Variants in CPNE4 observed in about 807,000 individuals in gnomAD.
The protein encoded by CPNE4 is copine-4.
A neutral mutation model predicts 67.9 loss-of-function variants in CPNE4; 25 were observed. The observed-to-expected ratio is 0.37, with a 90% CI of 0.27 to 0.51. The LOEUF is 0.51. Among genes scored for constraint, CPNE4 ranks in the 20% least tolerant of loss-of-function variants. The pLI, the probability that CPNE4 is intolerant of heterozygous loss-of-function variation, is 0.93. For synonymous variants in CPNE4, 242 were observed against 244.9 expected, an observed-to-expected ratio of 0.99 and a Z score of 0.11; for missense variants, 464 against 690.8, an observed-to-expected ratio of 0.67 and a Z score of 3.68.
At chr3:131,695,634 G>T (rs2081136540) in intron 5 of CPNE4, among the ~76,000 whole-genome samples, 1 of 152,162 alleles carries the variant, frequency 6.6e-6, no homozygotes, top group Non-Finnish European at 1.5e-5. Context: ...AGGAGAAGGA[G>T]CATAACAGTT....
Position 131,970,779 on chromosome 3 carries a change from T to G in CPNE4, c.-2+63788A>C, listed in dbSNP as rs1024476695. Among the ~76,000 whole-genome samples, 3 of 152,164 alleles carry G rather than the reference T, an allele frequency of 2.0e-5. No individual in the cohort carries two copies. The South Asian group carries it at 6.2e-4, about 32-fold the overall frequency. ...GAAGGTTAAAGTTGTATTGTGAATA[T>G]ATGTATGTGTAGGGGTTAGTGGAGG... On this transcript the variant is annotated intron_variant, in intron 1 of 15. Transcript: ENST00000429747.
At chr3:131,575,048 G>A (rs750202965) in intron 10 of CPNE4, 23 bp downstream of exon 10, 364 of 1,602,196 alleles carry the variant, frequency 2.3e-4, no homozygotes, top group Non-Finnish European at 2.9e-4. Flanking sequence ...AAGAATCAAG[G>A]AATCAACATG....
chr3:131,839,688 G>C (rs535976651), intron 2 of CPNE4, among the ~76,000 whole-genome samples: 13 of 152,026 alleles, frequency 8.6e-5, no homozygotes, highest in African/African-American at 3.1e-4. Context: ...TGTCACACAT[G>C]GGTTTGTCAC....
intron 2 of CPNE4, among the ~76,000 whole-genome samples, chr3:131,775,566 A>T (rs1005541863): frequency 8.5e-5 from 13 of 152,076 alleles, no homozygotes; most frequent in African/African-American, 3.1e-4. Flanking sequence ...TTTTCTTGTG[A>T]TAGTGAGTAA....
intron 2 of CPNE4, among the ~76,000 whole-genome samples, chr3:131,856,338 T>C (rs934363987): frequency 6.6e-6 from 1 of 151,886 alleles, no homozygotes; most frequent in African/African-American, 2.4e-5. Flanking sequence ...TGCCTCAGCC[T>C]CCCAAAGTGC....
intron 7 of CPNE4, among the ~76,000 whole-genome samples, chr3:131,588,836 C>T (rs748507372): frequency 6.6e-6 from 1 of 152,208 alleles, no homozygotes; most frequent in Non-Finnish European, 1.5e-5. Context: ...TCCAGCACTT[C>T]TGTCTATTCC....
intron 3 of CPNE4, among the ~76,000 whole-genome samples, chr3:131,703,647 A>C (rs1335087734): frequency 6.6e-6 from 1 of 152,230 alleles, no homozygotes; most frequent in African/African-American, 2.4e-5. Context: ...CTTTATTCCG[A>C]AGTCTTTCGA....
chr3:131,542,610 C>G lies in CPNE4; in HGVS notation c.1486G>C (p.Glu496Gln), dbSNP rs751118526. 47 of 1,614,006 alleles carry G rather than the reference C, an allele frequency of 2.9e-5. No individual in the cohort carries two copies. The highest frequency in any genetic ancestry group is 3.7e-5 in the Non-Finnish European group (44 of 1,180,004). Residue 496 changes from glutamate to glutamine, a missense_variant, in exon 15 of 16, where the codon GAG (glutamate) becomes CAG (glutamine). Around this residue, in one of 6 missense-constraint regions of CPNE4, gnomAD observed 201 missense variants for 357.7 expected, o/e 0.56. Coordinates refer to ENST00000429747, the MANE Select transcript of CPNE4 (RefSeq NM_130808.3). ...TGGACGATGTCTCGAAGAACAGGCTCTCCCTTGGGTGACCTCAGAATCCCA... is the reference window on the plus strand; with the variant it reads ...TGGACGATGTCTCGAAGAACAGGCTGTCCCTTGGGTGACCTCAGAATCCCA... The part of the protein sequence containing the change: ...DDGILRSPKG[E>Q]PVLRDIVQFV...
chr3:131,764,616 A>C (rs2082964910), intron 2 of CPNE4, among the ~76,000 whole-genome samples: 1 of 152,126 alleles, frequency 6.6e-6, no homozygotes, highest in Non-Finnish European at 1.5e-5. Context: ...TATAGAAAGT[A>C]ATGTGGCAGT....
chr3:131,847,223 C>T (rs886632898), intron 2 of CPNE4, among the ~76,000 whole-genome samples: 1 of 152,174 alleles, frequency 6.6e-6, no homozygotes, highest in Non-Finnish European at 1.5e-5. Flanking sequence ...TCCACTTGCT[C>T]ATATGTGCTT....
intron 2 of CPNE4, among the ~76,000 whole-genome samples, chr3:131,729,534 T>C (rs2082079479): frequency 6.6e-6 from 1 of 152,200 alleles, no homozygotes; most frequent in Non-Finnish European, 1.5e-5. Context: ...GCTTGTTCTG[T>C]AGCTGCAACA....
At chr3:131,942,313 T>C (rs1583486061) in intron 1 of CPNE4, among the ~76,000 whole-genome samples, 1 of 151,910 alleles carries the variant, frequency 6.6e-6, no homozygotes, top group East Asian at 1.9e-4. Flanking sequence ...AAAGTGACCA[T>C]TGTGAAAAAT....
intron 7 of CPNE4, among the ~76,000 whole-genome samples, chr3:131,612,233 G>A (rs1939884793): frequency 6.6e-6 from 1 of 152,098 alleles, no homozygotes; most frequent in African/African-American, 2.4e-5. Context: ...AATTAGCCAG[G>A]CGTGGTGGCG....
intron 9 of CPNE4, among the ~76,000 whole-genome samples, chr3:131,577,151 G>A (rs1406603609): frequency 6.6e-6 from 1 of 151,952 alleles, no homozygotes; most frequent in African/African-American, 2.4e-5. Flanking sequence ...TAAAGGGTAG[G>A]GATATGACCC....
At chr3:131,684,160 TTGTG>T (rs964887720) in intron 6 of CPNE4, among the ~76,000 whole-genome samples, 6 of 152,138 alleles carry the variant, frequency 3.9e-5, no homozygotes, top group African/African-American at 1.4e-4. Flanking sequence ...AAAGTGCTTT[TTGTG>T]TGTGTGTGGA....
intron 1 of CPNE4, among the ~76,000 whole-genome samples, chr3:131,947,203 AGTTTT>A (rs529643558): frequency 5.9e-5 from 9 of 151,848 alleles, no homozygotes; most frequent in African/African-American, 1.7e-4. Context: ...TTTGAGGATC[AGTTTT>A]GTTTTGTTTT....
intron 2 of CPNE4, 131 bp downstream of exon 2, chr3:131,905,133 G>A: frequency 1.2e-6 from 1 of 815,076 alleles, no homozygotes; most frequent in Non-Finnish European, 2.0e-6. Context: ...CATCATGATA[G>A]AAATGTGATC....
At chr3:131,998,806 A>T (rs9878387) in intron 1 of CPNE4, among the ~76,000 whole-genome samples, 1 of 152,074 alleles carries the variant, frequency 6.6e-6, no homozygotes, top group Admixed American at 6.6e-5. Flanking sequence ...AGTACCTACT[A>T]CATATTATGC....
chr3:132,018,222 T>C (rs1386346076), intron 1 of CPNE4, among the ~76,000 whole-genome samples: 1 of 152,174 alleles, frequency 6.6e-6, no homozygotes, highest in Non-Finnish European at 1.5e-5. Context: ...AAGGAGTTCT[T>C]GATGGGAAAA....
Sources: gnomAD v4.1 joint callset for allele counts (sites outside exome capture counted in the v4.1 genomes callset) on GRCh38, gnomAD v4.1.1 for gene constraint, gnomAD v4.1.1 regional missense constraint, MANE v1.5 for transcripts, NCBI Gene and HGNC (gene_info 2026-07-23, HGNC 2026-07-21) for gene names.